TOGARAM1: variants seen among roughly 807,000 people sequenced by gnomAD.
The protein encoded by TOGARAM1 is TOG array regulator of axonemal microtubules 1.
TOGARAM1 carries 100 observed loss-of-function variants against 166.6 expected under a neutral mutation model. The ratio of observed to expected loss-of-function variants is 0.60; its 90% confidence interval spans 0.51 to 0.71. The LOEUF (loss-of-function observed/expected upper bound fraction) is 0.71, where lower values mean the gene tolerates loss of function less well. TOGARAM1 is among the 30% of genes least tolerant of loss of function. TOGARAM1 has a pLI of 0.00. For synonymous variants in TOGARAM1, 758 were observed against 763.8 expected (o/e 0.99, Z 0.13); for missense variants, 2,029 against 2,102.7 (o/e 0.96, Z 0.69).
chr14:45,052,642 T>G, intron 15 of TOGARAM1, 80 bp downstream of exon 15: 1 of 1,268,296 alleles, frequency 7.9e-7, no homozygotes, highest in East Asian at 2.4e-5. Flanking sequence ...TAGGAATAAT[T>G]ATTTATTTGA....
intron 8 of TOGARAM1, 123 bp from the exon 9 acceptor site, chr14:45,027,176 G>C (rs967654135): frequency 2.3e-6 from 2 of 853,156 alleles, no homozygotes; most frequent in Admixed American, 2.8e-5. Context: ...TAATTATTTA[G>C]CATGTTTTTC....
chr14:45,014,578 T>C (rs912206768), intron 7 of TOGARAM1, among the ~76,000 whole-genome samples: 4 of 152,212 alleles, frequency 2.6e-5, no homozygotes, highest in African/African-American at 7.2e-5. Flanking sequence ...TGTGGCTTAA[T>C]TGGTAAAACA....
At chr14:45,008,830 T>G in intron 5 of TOGARAM1, 83 bp from the exon 6 acceptor site, 2 of 1,069,724 alleles carry the variant, frequency 1.9e-6, no homozygotes, top group South Asian at 3.2e-5. Context: ...TAGGTATAGC[T>G]AATGGAGTTT....
At position 44,963,527 on chromosome 14, in the gene TOGARAM1, C is replaced by T; in HGVS notation, c.1106C>T (p.Thr369Ile). ...GATCAGGAAGACTATAAGAACCGGA[C>T]CCAGGCCGTCGAAGAACTAAAGCAG... ...LLDQEDYKNR[T>I]QAVEELKQVL... The change falls in exon 1 of 20, where the codon ACC (threonine) becomes ATC (isoleucine). Residue 369 changes from threonine to isoleucine, a missense_variant. Physicochemically the swap from Thr to Ile is moderately conservative, Grantham distance 89 (BLOSUM62 -1). This residue lies in a region of TOGARAM1 where 1,453 missense variants were observed against 1,432.2 expected (regional missense o/e 1.01). Coordinates refer to ENST00000361462, the MANE Select transcript of TOGARAM1 (RefSeq NM_001308120.2). The T allele has an allele frequency of 6.2e-7, 1 of 1,614,156 alleles. No individual in the cohort carries two copies. The highest frequency in any genetic ancestry group is 1.1e-5 in the South Asian group (1 of 91,084).
chr14:44,979,266 T>C (rs1478002628), intron 1 of TOGARAM1, among the ~76,000 whole-genome samples: 1 of 152,124 alleles, frequency 6.6e-6, no homozygotes, highest in Admixed American at 6.5e-5. Context: ...TTATAAACAA[T>C]AGACATTTAT....
intron 14 of TOGARAM1, among the ~76,000 whole-genome samples, chr14:45,048,128 C>T (rs1395536426): frequency 5.4e-5 from 8 of 148,152 alleles, no homozygotes; most frequent in South Asian, 2.1e-4. Flanking sequence ...CTGAGGCGGG[C>T]GGCTCACAAG....
At chr14:44,975,040 T>C (rs1485975724) in intron 1 of TOGARAM1, among the ~76,000 whole-genome samples, 1 of 152,206 alleles carries the variant, frequency 6.6e-6, no homozygotes, top group Non-Finnish European at 1.5e-5. Context: ...CTTTAGCATT[T>C]TAACAAAGAG....
chr14:45,056,118 T>C (rs1221076469), intron 16 of TOGARAM1, among the ~76,000 whole-genome samples: 1 of 152,074 alleles, frequency 6.6e-6, no homozygotes, highest in African/African-American at 2.4e-5. Context: ...CTCCTAGGTA[T>C]TTTATTTCTT....
At chr14:44,979,475 C>T (rs1162875786) in intron 1 of TOGARAM1, among the ~76,000 whole-genome samples, 2 of 152,176 alleles carry the variant, frequency 1.3e-5, no homozygotes, top group Admixed American at 1.3e-4. Context: ...ACCTAATCAC[C>T]TCCCAAAGGC....
chr14:45,041,637 A>C (rs1489983147), intron 11 of TOGARAM1, among the ~76,000 whole-genome samples: 1 of 152,254 alleles, frequency 6.6e-6, no homozygotes, highest in Non-Finnish European at 1.5e-5. Flanking sequence ...AAAAATTCTT[A>C]ACACAGAACT....
intron 1 of TOGARAM1, among the ~76,000 whole-genome samples, chr14:44,989,121 G>A (rs7145831): frequency 0.22 from 32,747 of 152,134 alleles, 7,707 homozygotes; most frequent in African/African-American, 0.59. Context: ...CATAATGATA[G>A]TTGTAATTCC....
Position 45,027,454 on chromosome 14 carries a change from G to A in TOGARAM1, c.3484G>A (p.Asp1162Asn). ...CCAGCAAAATATTTCATCATATCTT[G>A]ATGTTGAGAATGAAAAAGATGTAAG... is the stretch of plus-strand genomic sequence containing the variant. The part of the protein sequence containing the change: ...SVQQNISSYL[D>N]VENEKDAKVS... Residue 1162 changes from aspartate to asparagine, a missense_variant, in exon 9 of 20, where the codon GAT becomes AAT. By Grantham distance (23) the Asp-to-Asn change is conservative. Transcript: ENST00000361462. 6.2e-7 allele frequency: 1 copy of A among 1,605,898 alleles called. No individual in the cohort carries two copies. Among genetic ancestry groups the A allele is most frequent in the Non-Finnish European group, 8.5e-7 (1 of 1,176,712 alleles).
intron 7 of TOGARAM1, among the ~76,000 whole-genome samples, chr14:45,017,403 C>T (rs1880211959): frequency 7.5e-6 from 1 of 133,812 alleles, no homozygotes; most frequent in Non-Finnish European, 1.5e-5. Flanking sequence ...TACATGCACA[C>T]AAAACACACA....
intron 3 of TOGARAM1, among the ~76,000 whole-genome samples, chr14:45,003,770 T>C (rs184206654): frequency 1.3e-5 from 2 of 151,264 alleles, no homozygotes; most frequent in African/African-American, 4.9e-5. Flanking sequence ...CTCTGACATG[T>C]GTGTATATGT....
chr14:45,004,018 C>T, intron 3 of TOGARAM1, 43 bp from the exon 4 acceptor site: 2 of 1,441,692 alleles, frequency 1.4e-6, no homozygotes, highest in Non-Finnish European at 1.8e-6. Flanking sequence ...AACTGTTAAA[C>T]TGTGTATACA....
intron 16 of TOGARAM1, among the ~76,000 whole-genome samples, chr14:45,059,228 C>T (rs1367939226): frequency 6.6e-6 from 1 of 152,128 alleles, no homozygotes; most frequent in African/African-American, 2.4e-5. Context: ...GTGCACACCA[C>T]CATGCCTGGC....
intron 7 of TOGARAM1, among the ~76,000 whole-genome samples, chr14:45,013,089 C>T (rs974913582): frequency 6.6e-6 from 1 of 152,208 alleles, no homozygotes; most frequent in African/African-American, 2.4e-5. Context: ...TGTACTTTCC[C>T]TGTTTGTATC....
At chr14:45,032,625 C>A (rs74046549) in intron 11 of TOGARAM1, among the ~76,000 whole-genome samples, 1 of 152,052 alleles carries the variant, frequency 6.6e-6, no homozygotes, top group Non-Finnish European at 1.5e-5. Context: ...ATTATGTAAA[C>A]CCTTTGATAA....
At chr14:45,047,225 A>C (rs1882110311) in intron 14 of TOGARAM1, among the ~76,000 whole-genome samples, 1 of 151,910 alleles carries the variant, frequency 6.6e-6, no homozygotes, top group Non-Finnish European at 1.5e-5. Context: ...CCCCGTCTCT[A>C]CTAAAAATAC....
Sources: gnomAD v4.1 joint callset for allele counts (sites outside exome capture counted in the v4.1 genomes callset) on GRCh38, gnomAD v4.1.1 for gene constraint, gnomAD v4.1.1 regional missense constraint, MANE v1.5 for transcripts, NCBI Gene and HGNC (gene_info 2026-07-23, HGNC 2026-07-21) for gene names.